TNIK: variants seen among roughly 807,000 people sequenced by gnomAD.
The protein encoded by TNIK is TRAF2 and NCK-interacting protein kinase.
A neutral mutation model predicts 191.3 loss-of-function variants in TNIK; 49 were observed. That is an observed-to-expected ratio of 0.26 (90% CI 0.20 to 0.32). TNIK has a LOEUF of 0.32. TNIK is among the 10% of genes least tolerant of loss of function. TNIK has a pLI of 1.00. For synonymous variants in TNIK, 594 were observed against 600.9 expected (o/e 0.99, Z 0.17); for missense variants, 1,155 against 1,702.3 (o/e 0.68, Z 5.66).
At chr3:171,091,481 G>A (rs978462428) in intron 23 of TNIK, among the ~76,000 whole-genome samples, 3 of 152,052 alleles carry the variant, frequency 2.0e-5, no homozygotes, top group African/African-American at 7.2e-5. Flanking sequence ...GGTAGCTCAC[G>A]CCTGTAATCC....
At chr3:171,420,378 A>G (rs1311442190) in intron 1 of TNIK, among the ~76,000 whole-genome samples, 1 of 152,194 alleles carries the variant, frequency 6.6e-6, no homozygotes, top group African/African-American at 2.4e-5. Flanking sequence ...AGTAAAAAGG[A>G]GTTTTTTTAC....
In TNIK at chr3:171,244,418, G is replaced by A. The variant is rs533955099; in HGVS notation, c.124-16197C>T. ...TTAGTGCTATACTATTCTCAAGAGAGAACTCGTTTACTCAAAAAAATCAGG... is the reference window on the plus strand; with the variant it reads ...TTAGTGCTATACTATTCTCAAGAGAAAACTCGTTTACTCAAAAAAATCAGG... On this transcript the variant is annotated intron_variant, in intron 2 of 32. Transcript: ENST00000436636. Among the ~76,000 whole-genome samples the A allele has an allele frequency of 3.9e-5, 6 of 152,208 alleles. No homozygotes were observed. In the South Asian group the frequency reaches 1.2e-3, roughly 32 times the overall value.
rs376084081 is a variant in TNIK, at chr3:171,232,067, G to A, written c.124-3846C>T. Among the ~76,000 whole-genome samples, 36 of 152,224 alleles carry A rather than the reference G, an allele frequency of 2.4e-4. No individual in the cohort carries two copies. The East Asian group carries it at 5.4e-3, about 23-fold the overall frequency. ...TTTTTAAATTTGGGGGCAGTGCAAC[G>A]AAGGGGATGTTATTGCAATAGAATT... On this transcript the variant is annotated intron_variant, in intron 2 of 32. Coordinates refer to ENST00000436636, the MANE Select transcript of TNIK (RefSeq NM_015028.4).
At chr3:171,415,985 AAAAAAAAAAAAAG>A (rs1197432972) in intron 1 of TNIK, among the ~76,000 whole-genome samples, 11 of 147,630 alleles carry the variant, frequency 7.5e-5, no homozygotes, top group South Asian at 2.1e-4. Context: ...AAAAAAAAAA[AAAAAAAAAAAAAG>A]AAAGAAAAAG....
At chr3:171,359,569 T>G (rs1214620931) in intron 2 of TNIK, among the ~76,000 whole-genome samples, 1 of 152,162 alleles carries the variant, frequency 6.6e-6, no homozygotes. Context: ...CAGAGGCCAC[T>G]GCACCCAGCA....
At chr3:171,347,221 GA>G (rs3082367) in intron 2 of TNIK, 38,390 of 1,350,376 alleles carry the variant, frequency 0.028, 18 homozygotes, top group South Asian at 0.036. Flanking sequence ...TTCATTTGCT[GA>G]AAAAAAAAAA....
At chr3:171,386,799 A>G (rs933588124) in intron 1 of TNIK, among the ~76,000 whole-genome samples, 1 of 152,220 alleles carries the variant, frequency 6.6e-6, no homozygotes, top group Non-Finnish European at 1.5e-5. Context: ...ACAATTAGAC[A>G]TCTCTATCAA....
chr3:171,075,255 C>G (rs945237918), intron 28 of TNIK, among the ~76,000 whole-genome samples: 2 of 152,172 alleles, frequency 1.3e-5, no homozygotes, highest in African/African-American at 4.8e-5. Context: ...CAAAAGGAAA[C>G]AGCTTTGAAA....
At chr3:171,223,220 C>T (rs1742572513) in intron 3 of TNIK, among the ~76,000 whole-genome samples, 1 of 152,136 alleles carries the variant, frequency 6.6e-6, no homozygotes, top group Non-Finnish European at 1.5e-5. Flanking sequence ...GCTGGAATGT[C>T]CTCACCTGAC....
chr3:171,346,422 G>C (rs557147735), intron 2 of TNIK, among the ~76,000 whole-genome samples: 1 of 152,016 alleles, frequency 6.6e-6, no homozygotes. Flanking sequence ...TACACCTTGC[G>C]CATGTCATCC....
At chr3:171,459,405 T>G (rs1035303718) in intron 1 of TNIK, among the ~76,000 whole-genome samples, 1 of 151,978 alleles carries the variant, frequency 6.6e-6, no homozygotes, top group Non-Finnish European at 1.5e-5. Context: ...AGTGGCAGAC[T>G]GGCATTTAAG....
chr3:171,346,765 C>T (rs1294518756), intron 2 of TNIK, among the ~76,000 whole-genome samples: 1 of 151,990 alleles, frequency 6.6e-6, no homozygotes, highest in Non-Finnish European at 1.5e-5. Flanking sequence ...CAGGAGGAAG[C>T]AAATTAGGTT....
chr3:171,146,152 G>T (rs1479237980), intron 12 of TNIK, among the ~76,000 whole-genome samples: 1 of 152,104 alleles, frequency 6.6e-6, no homozygotes, highest in Non-Finnish European at 1.5e-5. Context: ...GACCGCCCTG[G>T]GCAACAGCGC....
intron 7 of TNIK, among the ~76,000 whole-genome samples, chr3:171,185,842 TTA>T (rs1737300213): frequency 6.6e-6 from 1 of 152,264 alleles, no homozygotes; most frequent in Non-Finnish European, 1.5e-5. Context: ...CTTCTTGTCT[TTA>T]TTTTACAGAA....
At chr3:171,106,947 C>T (rs1478303410) in intron 21 of TNIK, among the ~76,000 whole-genome samples, 1 of 152,170 alleles carries the variant, frequency 6.6e-6, no homozygotes, top group African/African-American at 2.4e-5. Flanking sequence ...ATTAGCCAGA[C>T]TGGAACATTG....
At chr3:171,279,849 T>C (rs1377685073) in intron 2 of TNIK, among the ~76,000 whole-genome samples, 1 of 152,142 alleles carries the variant, frequency 6.6e-6, no homozygotes, top group Non-Finnish European at 1.5e-5. Context: ...CCTACAAAGC[T>C]AATAGGAGGT....
At chr3:171,444,151 C>T (rs1258201510) in intron 1 of TNIK, among the ~76,000 whole-genome samples, 2 of 152,164 alleles carry the variant, frequency 1.3e-5, no homozygotes, top group East Asian at 3.8e-4. Flanking sequence ...ATCAACTTTT[C>T]CTCCATATAA....
chr3:171,172,383 C>T (rs1385383603), intron 9 of TNIK, among the ~76,000 whole-genome samples: 1 of 151,968 alleles, frequency 6.6e-6, no homozygotes, highest in East Asian at 1.9e-4. Flanking sequence ...GTCTCTTGGT[C>T]GGGGGAGGGA....
intron 10 of TNIK, among the ~76,000 whole-genome samples, chr3:171,162,322 G>A (rs918543365): frequency 1.1e-4 from 17 of 152,224 alleles, no homozygotes; most frequent in African/African-American, 4.1e-4. Context: ...TACTTGGGAG[G>A]CTGAGGCAGG....
Sources: allele counts gnomAD v4.1 joint callset (sites outside exome capture counted in the v4.1 genomes callset), GRCh38; gene constraint gnomAD v4.1.1; transcripts MANE v1.5; gene names NCBI Gene and HGNC (gene_info 2026-07-23, HGNC 2026-07-21).